The following CDC42BPA variants were observed in gnomAD, a reference collection of about 807,000 sequenced individuals.
The protein encoded by CDC42BPA is CDC42 binding protein kinase alpha.
CDC42BPA carries 80 observed loss-of-function variants against 223.5 expected under a neutral mutation model. That is an observed-to-expected ratio of 0.36 (90% CI 0.30 to 0.43). The LOEUF (loss-of-function observed/expected upper bound fraction) is 0.43, where lower values mean the gene tolerates loss of function less well. Among genes scored for constraint, CDC42BPA ranks in the 20% least tolerant of loss-of-function variants. The pLI, the probability that CDC42BPA is intolerant of heterozygous loss-of-function variation, is 1.00. For missense variants in CDC42BPA, 1,743 were observed against 2,099.9 expected, an observed-to-expected ratio of 0.83 and a Z score of 3.32; for synonymous variants, 694 against 718.6, an observed-to-expected ratio of 0.97 and a Z score of 0.55.
At chr1:227,250,623 A>AGTGTGTGT (rs372698370) in intron 2 of CDC42BPA, among the ~76,000 whole-genome samples, 5 of 151,128 alleles carry the variant, frequency 3.3e-5, no homozygotes, top group Admixed American at 6.6e-5. Flanking sequence ...TTGAAACTGA[A>AGTGTGTGT]GTGTGTGTGT....
chr1:227,211,436 A>T lies in CDC42BPA; in HGVS notation c.354+1700T>A, dbSNP rs150234627. 6.0e-3 allele frequency among the ~76,000 whole-genome samples: 914 copies of T among 152,320 alleles called. 10 individuals are homozygous for T. The highest frequency in any genetic ancestry group is 0.021 in the African/African-American group (861 of 41,584). On this transcript the variant is annotated intron_variant, in intron 3 of 36. Coordinates refer to ENST00000366766, the MANE Select transcript of CDC42BPA (RefSeq NM_001394014.1). ...AGGAAAAAAAATCATTATATCAAAA[A>T]GATACCTGTACTTATATGTTTATCA...
In CDC42BPA at chr1:227,318,004, T is replaced by C. The variant is rs1694670108; in HGVS notation, c.-822A>G. 1 of 385,114 alleles carries C rather than the reference T, an allele frequency of 2.6e-6. No individual in the cohort carries two copies. The highest frequency in any genetic ancestry group is 4.6e-6 in the Non-Finnish European group (1 of 218,042). 23.9% of individuals were successfully genotyped at this position (385,114 alleles called of 1,614,324 possible). On this transcript the variant is annotated 5_prime_UTR_variant, in exon 1 of 37. Coordinates refer to ENST00000366766, the MANE Select transcript of CDC42BPA (RefSeq NM_001394014.1). ...GCTGCGGGCGGCACTGGCACCGGGC[T>C]CCGGAGAAGCGGCTACTTGGCCGCC... is the stretch of plus-strand genomic sequence containing the variant.
At chr1:227,109,939 T>C (rs1289300949) in intron 14 of CDC42BPA, among the ~76,000 whole-genome samples, 2 of 152,082 alleles carry the variant, frequency 1.3e-5, no homozygotes, top group Non-Finnish European at 1.5e-5. Context: ...AAATGCTATA[T>C]AAGTAGGTTT....
At chr1:227,163,847 T>C (rs1265999833) in intron 5 of CDC42BPA, among the ~76,000 whole-genome samples, 1 of 152,030 alleles carries the variant, frequency 6.6e-6, no homozygotes, top group Non-Finnish European at 1.5e-5. Flanking sequence ...TTGTGTAAGT[T>C]TTAAAGTTAT....
intron 34 of CDC42BPA, among the ~76,000 whole-genome samples, chr1:227,009,559 C>A (rs146190267): frequency 6.6e-6 from 1 of 152,136 alleles, no homozygotes; most frequent in South Asian, 2.1e-4. Context: ...CAGGCATGTG[C>A]CACCACATCC....
intron 15 of CDC42BPA, 130 bp downstream of exon 15, chr1:227,100,862 T>C (rs1038022929): frequency 8.2e-6 from 5 of 610,554 alleles, no homozygotes; most frequent in Admixed American, 3.2e-5. Flanking sequence ...ATTATAATTT[T>C]CTATCTGCCA....
intron 5 of CDC42BPA, among the ~76,000 whole-genome samples, chr1:227,193,418 A>G (rs957775652): frequency 2.6e-5 from 4 of 151,730 alleles, no homozygotes; most frequent in Non-Finnish European, 1.5e-5. Context: ...ACATGGACAT[A>G]TTGTGTGGTT....
intron 2 of CDC42BPA, among the ~76,000 whole-genome samples, chr1:227,245,974 TCA>T (rs1259049474): frequency 1.3e-5 from 2 of 152,168 alleles, no homozygotes; most frequent in Non-Finnish European, 2.9e-5. Flanking sequence ...CTTTCAGGTA[TCA>T]CAGTGGGACA....
chr1:227,183,293 T>A (rs1668251620), intron 5 of CDC42BPA: 1 of 152,208 alleles, frequency 6.6e-6, no homozygotes, highest in African/African-American at 2.4e-5. Flanking sequence ...TGTTCCATTA[T>A]CACAAAAGAA....
At position 227,245,604 on chromosome 1, in the gene CDC42BPA, G is replaced by A. The variant is rs898228806; in HGVS notation, c.270+8460C>T. Among the ~76,000 whole-genome samples the A allele has an allele frequency of 2.6e-5, 4 of 152,178 alleles. No homozygotes were observed. In the South Asian group the frequency reaches 8.3e-4, roughly 32 times the overall value. Reference sequence around the variant, plus strand: ...CCATGCCCAGCCCCGACATTGTCTTGCATCTTGGATACTAGCTCAGCCACA... The same window carrying A: ...CCATGCCCAGCCCCGACATTGTCTTACATCTTGGATACTAGCTCAGCCACA... On this transcript the variant is annotated intron_variant, in intron 2 of 36. Transcript: ENST00000366766.
At chr1:226,996,548 T>C (rs1661648570) in intron 35 of CDC42BPA, among the ~76,000 whole-genome samples, 1 of 152,244 alleles carries the variant, frequency 6.6e-6, no homozygotes, top group East Asian at 1.9e-4. Context: ...GGTTGCAGTT[T>C]TCAAAGGGAA....
chr1:227,207,204 T>TA (rs1176518661), intron 3 of CDC42BPA, among the ~76,000 whole-genome samples: 1 of 150,490 alleles, frequency 6.6e-6, no homozygotes, highest in African/African-American at 2.4e-5. Flanking sequence ...GTCCTTGCGA[T>TA]AGTTTGCTGA....
At chr1:227,124,583 G>T (rs1689211947) in intron 11 of CDC42BPA, among the ~76,000 whole-genome samples, 1 of 152,108 alleles carries the variant, frequency 6.6e-6, no homozygotes, top group Non-Finnish European at 1.5e-5. Flanking sequence ...AGGAAAGAAA[G>T]AAAGGGTAGG....
At chr1:227,124,957 A>G (rs891404395) in intron 11 of CDC42BPA, among the ~76,000 whole-genome samples, 1 of 152,194 alleles carries the variant, frequency 6.6e-6, no homozygotes, top group African/African-American at 2.4e-5. Context: ...ATGTGAAGAA[A>G]AAAACTTCCT....
chr1:227,060,576 G>A (rs1195211134), intron 21 of CDC42BPA, among the ~76,000 whole-genome samples: 2 of 152,070 alleles, frequency 1.3e-5, no homozygotes, highest in Non-Finnish European at 2.9e-5. Flanking sequence ...TTTTCTTGGG[G>A]ACCTAGAGGA....
intron 24 of CDC42BPA, among the ~76,000 whole-genome samples, chr1:227,038,569 T>C (rs992396672): frequency 1.3e-5 from 2 of 152,154 alleles, no homozygotes; most frequent in African/African-American, 2.4e-5. Flanking sequence ...CAACAGCCAA[T>C]ACCACAGACA....
chr1:227,137,049 A>C (rs1296337125), intron 10 of CDC42BPA, among the ~76,000 whole-genome samples: 1 of 152,184 alleles, frequency 6.6e-6, no homozygotes, highest in African/African-American at 2.4e-5. Flanking sequence ...ATGGAGTAAA[A>C]GTGTATTAAA....
chr1:227,191,614 A>C (rs1669715107), intron 5 of CDC42BPA, among the ~76,000 whole-genome samples: 6 of 152,168 alleles, frequency 3.9e-5, no homozygotes. Context: ...CTTCTCAAGA[A>C]TTACATATAA....
chr1:227,156,023 C>A (rs1018527037), intron 6 of CDC42BPA, among the ~76,000 whole-genome samples: 2 of 151,726 alleles, frequency 1.3e-5, no homozygotes, highest in Non-Finnish European at 2.9e-5. Flanking sequence ...ACTGAACTTG[C>A]GTGGGTGATA....
Sources: allele counts gnomAD v4.1 joint callset (sites outside exome capture counted in the v4.1 genomes callset), GRCh38; gene constraint gnomAD v4.1.1; transcripts MANE v1.5; gene names NCBI Gene and HGNC (gene_info 2026-07-23, HGNC 2026-07-21).